LRBA: variants seen among roughly 807,000 people sequenced by gnomAD.
LRBA encodes LPS responsive beige-like anchor protein.
Under a neutral mutation model 330.0 loss-of-function variants are expected in LRBA, and 176 were observed. The ratio of observed to expected loss-of-function variants is 0.53; its 90% CI spans 0.47 to 0.60. LRBA has a LOEUF of 0.60. Ranked by LOEUF, LRBA falls within the 20% of genes least tolerant of loss-of-function variation. The pLI, the probability that LRBA is intolerant of heterozygous loss-of-function variation, is 0.00. For missense variants in LRBA, 3,259 were observed against 3,444.8 expected (o/e 0.95, Z 1.35); for synonymous variants, 1,230 against 1,193.0 (o/e 1.03, Z -0.64).
chr4:150,669,237 T>C lies in LRBA; in HGVS notation c.5921+14314A>G, dbSNP rs61036302. 7.8e-3 allele frequency among the ~76,000 whole-genome samples: 1,186 copies of C among 152,292 alleles called. 16 individuals carry two copies. The highest frequency in any genetic ancestry group is 0.027 in the African/African-American group (1,114 of 41,544). On this transcript the variant is annotated intron_variant, in intron 37 of 56. Transcript: ENST00000651943. ...TGACAATTTTATAAGTTACAAATATTAGAGTTCCTGTATACCCTTCACTCA... is the reference window on the plus strand; with the variant it reads ...TGACAATTTTATAAGTTACAAATATCAGAGTTCCTGTATACCCTTCACTCA...
At chr4:150,440,123 T>C (rs1300047925) in intron 44 of LRBA, among the ~76,000 whole-genome samples, 1 of 152,100 alleles carries the variant, frequency 6.6e-6, no homozygotes, top group Non-Finnish European at 1.5e-5. Context: ...TACTGTACAA[T>C]GTAACAAGCT....
chr4:150,728,119 A>G (rs191210206), intron 36 of LRBA, among the ~76,000 whole-genome samples: 3 of 152,270 alleles, frequency 2.0e-5, no homozygotes, highest in Admixed American at 1.3e-4. Context: ...GAAGAAATGG[A>G]TCAATTCCTA....
chr4:150,450,608 A>T (rs1436876187), intron 44 of LRBA, among the ~76,000 whole-genome samples: 1 of 152,210 alleles, frequency 6.6e-6, no homozygotes. Context: ...TTACATCTTC[A>T]AAAACCCTAT....
At position 150,733,313 on chromosome 4, in the gene LRBA, G is replaced by A. The variant is rs546045830; in HGVS notation, c.5754+1945C>T. ...TGTTAATTTTCTGATTTTGATAACT[G>A]TACCAGATTAAGACAGAGAATGTGC... On this transcript the variant is annotated intron_variant, in intron 36 of 56. Coordinates refer to ENST00000651943, the MANE Select transcript of LRBA (RefSeq NM_001364905.1). 6.6e-5 allele frequency among the ~76,000 whole-genome samples: 10 copies of A among 152,110 alleles called. No homozygotes were observed. The East Asian group carries it at 1.9e-3, about 29-fold the overall frequency.
intron 35 of LRBA, among the ~76,000 whole-genome samples, chr4:150,756,538 C>G (rs762422460): frequency 6.6e-6 from 1 of 152,050 alleles, no homozygotes; most frequent in Non-Finnish European, 1.5e-5. Context: ...ATGTAAGCAA[C>G]AGTGTTATGG....
At chr4:150,425,146 A>T (rs1333495075) in intron 46 of LRBA, among the ~76,000 whole-genome samples, 1 of 152,234 alleles carries the variant, frequency 6.6e-6, no homozygotes, top group Non-Finnish European at 1.5e-5. Context: ...ATCTCTTTTG[A>T]CAGATGAAAT....
chr4:150,922,000 G>A (rs1361303751), intron 4 of LRBA, among the ~76,000 whole-genome samples: 1 of 152,120 alleles, frequency 6.6e-6, no homozygotes, highest in Non-Finnish European at 1.5e-5. Flanking sequence ...TGGGATTACA[G>A]GCGTAAGCCA....
At chr4:150,639,855 A>G (rs562559768) in intron 37 of LRBA, among the ~76,000 whole-genome samples, 60 of 77,364 alleles carry the variant, frequency 7.8e-4, no homozygotes, top group African/African-American at 1.1e-3. Flanking sequence ...ATATATATAT[A>G]TATATATATA....
intron 36 of LRBA, among the ~76,000 whole-genome samples, chr4:150,685,416 ATATATTTTTTT>A (rs1422565777): frequency 1.5e-4 from 3 of 20,146 alleles, no homozygotes; most frequent in Non-Finnish European, 2.6e-4. Flanking sequence ...ATATATATAT[ATATATTTTTTT>A]TTTTTTTTTT....
At chr4:150,718,571 G>A (rs1728540371) in intron 36 of LRBA, among the ~76,000 whole-genome samples, 1 of 151,988 alleles carries the variant, frequency 6.6e-6, no homozygotes, top group Non-Finnish European at 1.5e-5. Context: ...AAGACTAGCA[G>A]ACATAAGAAA....
intron 44 of LRBA, among the ~76,000 whole-genome samples, chr4:150,450,330 C>T (rs916260213): frequency 6.6e-6 from 1 of 152,126 alleles, no homozygotes; most frequent in African/African-American, 2.4e-5. Flanking sequence ...AACTTATTGC[C>T]TCAGAGTTCT....
At chr4:150,735,485 A>T in intron 35 of LRBA, 119 bp from the exon 36 acceptor site, 4 of 697,604 alleles carry the variant, frequency 5.7e-6, no homozygotes, top group Non-Finnish European at 1.0e-5. Flanking sequence ...ATCATACACA[A>T]TGAGGTACCA....
chr4:150,838,146 C>T (rs1748450251), intron 28 of LRBA, among the ~76,000 whole-genome samples: 1 of 152,208 alleles, frequency 6.6e-6, no homozygotes, highest in Non-Finnish European at 1.5e-5. Context: ...TGTAGAGTTT[C>T]TGCCAAGAGA....
At chr4:150,832,238 T>C (rs184223965) in intron 28 of LRBA, among the ~76,000 whole-genome samples, 3 of 152,322 alleles carry the variant, frequency 2.0e-5, no homozygotes, top group East Asian at 3.9e-4. Context: ...TTTTAAATTA[T>C]TCAATCTAAA....
At chr4:150,338,044 G>C (rs372045743) in intron 48 of LRBA, among the ~76,000 whole-genome samples, 1 of 152,130 alleles carries the variant, frequency 6.6e-6, no homozygotes, top group Non-Finnish European at 1.5e-5. Context: ...CTGGGGTCAT[G>C]TAAACTTAAA....
At chr4:150,530,869 G>T (rs983799463) in intron 40 of LRBA, among the ~76,000 whole-genome samples, 2 of 152,172 alleles carry the variant, frequency 1.3e-5, no homozygotes, top group African/African-American at 4.8e-5. Flanking sequence ...ATAATGTGAA[G>T]TAAGAATTAT....
intron 8 of LRBA, 106 bp downstream of exon 8, chr4:150,915,502 T>C (rs560506338): frequency 6.2e-6 from 6 of 960,112 alleles, no homozygotes; most frequent in African/African-American, 1.7e-5. Flanking sequence ...AAATCTACCA[T>C]TGTAATACTT....
intron 2 of LRBA, among the ~76,000 whole-genome samples, chr4:150,935,305 T>C (rs1015398409): frequency 1.3e-5 from 2 of 152,132 alleles, no homozygotes; most frequent in Non-Finnish European, 2.9e-5. Context: ...AATGTCATTT[T>C]GTATAAATAT....
chr4:150,988,984 T>C (rs1309293428), intron 2 of LRBA, among the ~76,000 whole-genome samples: 2 of 151,982 alleles, frequency 1.3e-5, no homozygotes, highest in East Asian at 1.9e-4. Context: ...TAAGTGCCTA[T>C]AAAGTGTTTG....
Sources: allele counts gnomAD v4.1 joint callset (sites outside exome capture counted in the v4.1 genomes callset), GRCh38; gene constraint gnomAD v4.1.1; transcripts MANE v1.5; gene names NCBI Gene and HGNC (gene_info 2026-07-23, HGNC 2026-07-21).